Variants in FHDC1 observed in about 807,000 individuals in gnomAD.
FHDC1 encodes FH2 domain containing 1, also known as FH2 domain-containing protein 1.
In FHDC1, 25 loss-of-function variants were observed where a neutral mutation model predicts 52.6. The ratio of observed to expected loss-of-function variants is 0.48; its 90% confidence interval spans 0.35 to 0.66. The LOEUF is 0.66. Ranked by LOEUF, FHDC1 falls within the 30% of genes least tolerant of loss-of-function variation. FHDC1 has a pLI of 0.01. For synonymous variants in FHDC1, 616 were observed against 581.5 expected, an observed-to-expected ratio of 1.06 and a Z score of -0.85; for missense variants, 1,459 against 1,452.8, an observed-to-expected ratio of 1.00 and a Z score of -0.07.
At chr4:152,963,174 C>T (rs1740337160) in intron 8 of FHDC1, 44 bp downstream of exon 8, 1 of 1,534,146 alleles carries the variant, frequency 6.5e-7, no homozygotes, top group Non-Finnish European at 9.0e-7. Flanking sequence ...TATGAATACC[C>T]CTTGGAGGCA....
Position 152,943,535 on chromosome 4 carries a change from T to A in FHDC1, c.478T>A (p.Phe160Ile). The A allele has an allele frequency of 6.2e-7, 1 of 1,612,800 alleles. No homozygotes were observed. The highest frequency in any genetic ancestry group is 1.1e-5 in the South Asian group (1 of 90,956). The change falls in exon 2 of 12, where the codon TTC becomes ATC. Residue 160 changes from phenylalanine to isoleucine, a missense_variant. By Grantham distance (21) the Phe-to-Ile change is conservative. This residue lies in a region of FHDC1 where 513 missense variants were observed against 581.5 expected (regional missense o/e 0.88). Transcript: ENST00000511601. ...GAGAGGAAGAACTTTAAATTCATCC[T>A]TCAGAGAAGCTCGAGAAGAGGTAAG... ...PRRGRTLNSS[F>I]REAREEITIL... is the part of the protein sequence containing the mutation.
chr4:152,954,356 G>A, intron 4 of FHDC1, 37 bp downstream of exon 4: 1 of 1,543,894 alleles, frequency 6.5e-7, no homozygotes, highest in Non-Finnish European at 9.0e-7. Context: ...GATGTTAGGA[G>A]TGATCATAAA....
At chr4:152,956,273 C>T (rs1234632055) in intron 4 of FHDC1, among the ~76,000 whole-genome samples, 5 of 152,132 alleles carry the variant, frequency 3.3e-5, no homozygotes, top group Non-Finnish European at 5.9e-5. Flanking sequence ...TAATTGACCT[C>T]ATCGTGTTGT....
chr4:152,938,022 G>T (rs1357351195), intron 1 of FHDC1, among the ~76,000 whole-genome samples: 1 of 152,246 alleles, frequency 6.6e-6, no homozygotes, highest in African/African-American at 2.4e-5. Flanking sequence ...CCCCCAGGCC[G>T]AATTTCTTCC....
At chr4:152,957,918 A>ACC (rs137953568) in intron 4 of FHDC1, among the ~76,000 whole-genome samples, 2 of 151,572 alleles carry the variant, frequency 1.3e-5, no homozygotes, top group African/African-American at 4.8e-5. Flanking sequence ...AAGCCAGGGA[A>ACC]CACCCCCACC....
intron 2 of FHDC1, among the ~76,000 whole-genome samples, chr4:152,947,863 T>C (rs561286042): frequency 1.3e-5 from 2 of 152,206 alleles, no homozygotes; most frequent in African/African-American, 2.4e-5. Context: ...AGATTGGTTT[T>C]TCTAAATTTA....
the FHDC1 span, among the ~76,000 whole-genome samples, chr4:152,913,681 A>AT: frequency 2.0e-5 from 3 of 151,460 alleles, no homozygotes; most frequent in African/African-American, 7.3e-5. Flanking sequence ...TCATTTATTT[A>AT]TTTATTTATT....
chr4:152,961,891 G>A (rs955596403), intron 6 of FHDC1, among the ~76,000 whole-genome samples: 2 of 152,124 alleles, frequency 1.3e-5, no homozygotes, highest in Non-Finnish European at 2.9e-5. Context: ...CTGGAAGAAT[G>A]TGTTTTTATA....
chr4:152,920,057 C>T, the FHDC1 span, among the ~76,000 whole-genome samples: 1 of 145,868 alleles, frequency 6.9e-6, no homozygotes, highest in African/African-American at 2.5e-5. Flanking sequence ...AAGCAGTCCT[C>T]CTATCTCAGC....
At chr4:152,957,746 A>C (rs989308325) in intron 4 of FHDC1, among the ~76,000 whole-genome samples, 1 of 152,202 alleles carries the variant, frequency 6.6e-6, no homozygotes, top group South Asian at 2.1e-4. Flanking sequence ...GACCAAAGCC[A>C]AGGTTAATTC....
upstream of FHDC1, among the ~76,000 whole-genome samples, chr4:152,933,843 C>A (rs1739297653): frequency 6.6e-6 from 1 of 151,736 alleles, no homozygotes; most frequent in Admixed American, 6.6e-5. Context: ...ACGTAGGATG[C>A]TGCCGGATTG....
At chr4:152,964,424 G>A (rs959084322) in intron 8 of FHDC1, among the ~76,000 whole-genome samples, 4 of 152,332 alleles carry the variant, frequency 2.6e-5, no homozygotes, top group East Asian at 3.9e-4. Flanking sequence ...TCCATGTGGC[G>A]AAGCCTCCTG....
chr4:152,975,694 C>G lies in FHDC1; in HGVS notation c.2403C>G (p.Gly801=). Residue 801 remains glycine (G), a synonymous_variant, in exon 12 of 12, where the codon GGC becomes GGG. Transcript: ENST00000511601. Reference sequence around the variant, plus strand: ...CCAGAGGCGGGGACCCGGAGGAAGGCGGGGAAGGGGATGGCTCCATGTCCT... The same window carrying G: ...CCAGAGGCGGGGACCCGGAGGAAGGGGGGGAAGGGGATGGCTCCATGTCCT... ...SRPRGGDPEE[G]GEGDGSMSSG... is the part of the protein sequence containing the mutation. 1 of 1,611,726 alleles carries G rather than the reference C, an allele frequency of 6.2e-7. No individual in the cohort carries two copies. Among genetic ancestry groups the G allele is most frequent in the African/African-American group, 1.3e-5 (1 of 75,012 alleles).
chr4:152,943,036 C>G lies in FHDC1; in HGVS notation c.-22C>G. The G allele has an allele frequency of 6.3e-7, 1 of 1,575,906 alleles. No individual in the cohort carries two copies. The highest frequency in any genetic ancestry group is 1.2e-5 in the South Asian group (1 of 85,558). On this transcript the variant is annotated 5_prime_UTR_variant, in exon 2 of 12. In the 5' UTR this introduces an upstream ATG that the reference lacks. Coordinates refer to ENST00000511601, the MANE Select transcript of FHDC1 (RefSeq NM_001371116.1). ...TTCTTCTCCAAGGCCAAGAAATTAT[C>G]TCCATAGGAGGCAACAGTACTATGC...
rs569655745 is a variant in FHDC1 at position 152,979,517 on chromosome 4, C to T, written c.*2794C>T. The T allele has an allele frequency of 1.3e-5, 2 of 152,182 alleles. No individual in the cohort carries two copies. The highest frequency in any genetic ancestry group is 6.5e-5 in the Admixed American group (1 of 15,288). 9.4% of individuals were successfully genotyped at this position (152,182 alleles called of 1,614,324 possible). On this transcript the variant is annotated 3_prime_UTR_variant, in exon 12 of 12. Transcript: ENST00000511601. ...AGATGATCATTGTATTACCTTTTAT[C>T]GGTAGTAAGCTTGGAAAAATAATTT...
chr4:152,962,844 T>C lies in FHDC1; in HGVS notation c.881T>C (p.Ile294Thr). The C allele has an allele frequency of 6.2e-7, 1 of 1,614,134 alleles. No homozygotes were observed. The highest frequency in any genetic ancestry group is 8.5e-7 in the Non-Finnish European group (1 of 1,180,016). Residue 294 changes from isoleucine to threonine, a missense_variant, in exon 7 of 12, where the codon ATA (isoleucine) becomes ACA (threonine). This residue lies in a region of FHDC1 where 513 missense variants were observed against 581.5 expected (regional missense o/e 0.88). Transcript: ENST00000511601. ...ATGTCATGTGAAGAGCTACATTCAA[T>C]ATTACACTTGGTGCTCCAGGCTGGG... The part of the protein sequence containing the change: ...ELMSCEELHS[I>T]LHLVLQAGNI...
intron 1 of FHDC1, among the ~76,000 whole-genome samples, chr4:152,937,904 G>A (rs1308806232): frequency 1.3e-5 from 2 of 152,230 alleles, no homozygotes; most frequent in Non-Finnish European, 2.9e-5. Flanking sequence ...CTCGGGCGGG[G>A]ACCGGGGTGC....
Position 152,976,525 on chromosome 4 carries a change from C to A in FHDC1, c.3234C>A (p.Ala1078=), listed in dbSNP as rs150684306. 1 of 1,613,066 alleles carries A rather than the reference C, an allele frequency of 6.2e-7. No homozygotes were observed. The highest frequency in any genetic ancestry group is 8.5e-7 in the Non-Finnish European group (1 of 1,179,948). Residue 1078 remains alanine (A), a synonymous_variant, in exon 12 of 12, where the codon GCC becomes GCA. Coordinates refer to ENST00000511601, the MANE Select transcript of FHDC1 (RefSeq NM_001371116.1). ...GGGTGAAAGGGGACCCCGAGGATGC[C>A]GCTCCCAAGGACAGCAGCACTTTGA... The part of the protein sequence containing the change: ...QLRVKGDPED[A]APKDSSTLRR...
At position 152,940,970 on chromosome 4, in the gene FHDC1, T is replaced by G. The variant is rs572836842; in HGVS notation, c.-130-1958T>G. ...TTCTAGAAGCCAGTTACATCTCAAGTGAGCTGTATGTCAGCTTGGAAAAAT... is the reference window on the plus strand; with the variant it reads ...TTCTAGAAGCCAGTTACATCTCAAGGGAGCTGTATGTCAGCTTGGAAAAAT... On this transcript the variant is annotated intron_variant, in intron 1 of 11. Transcript: ENST00000511601. Among the ~76,000 whole-genome samples the G allele has an allele frequency of 2.0e-5, 3 of 152,352 alleles. No individual in the cohort carries two copies. The East Asian group carries it at 5.8e-4, about 29-fold the overall frequency.
Sources: gnomAD v4.1 joint callset for allele counts (sites outside exome capture counted in the v4.1 genomes callset) on GRCh38, gnomAD v4.1.1 for gene constraint, gnomAD v4.1.1 regional missense constraint, MANE v1.5 for transcripts, NCBI Gene and HGNC (gene_info 2026-07-23, HGNC 2026-07-21) for gene names.